The following RASSF3 variants were observed in gnomAD, a reference collection of about 807,000 sequenced individuals.
RASSF3 encodes the protein ras association domain-containing protein 3.
A neutral mutation model predicts 19.9 loss-of-function variants in RASSF3; 19 were observed. That is an observed-to-expected ratio of 0.96 (90% CI 0.67 to 1.40). RASSF3 has a LOEUF of 1.40. Ranked by LOEUF, RASSF3 falls within the 40% of genes most tolerant of loss-of-function variation. The pLI, the probability that RASSF3 is intolerant of heterozygous loss-of-function variation, is 0.00. For synonymous variants in RASSF3, 110 were observed against 104.2 expected, an observed-to-expected ratio of 1.06 and a Z score of -0.34; for missense variants, 306 against 289.8, an observed-to-expected ratio of 1.06 and a Z score of -0.41.
intron 1 of RASSF3, among the ~76,000 whole-genome samples, chr12:64,676,301 G>A (rs889080011): frequency 3.1e-4 from 47 of 150,456 alleles, no homozygotes; most frequent in African/African-American, 1.1e-3. Flanking sequence ...ACAGGTCTGA[G>A]GGACTACAGG....
intron 1 of RASSF3, among the ~76,000 whole-genome samples, chr12:64,658,969 C>G (rs1200505090): frequency 6.6e-6 from 1 of 152,122 alleles, no homozygotes; most frequent in South Asian, 2.1e-4. Context: ...ACTCAGGAAG[C>G]AGAGGCAGGA....
chr12:64,661,802 C>G (rs1872373976), intron 1 of RASSF3, among the ~76,000 whole-genome samples: 1 of 150,230 alleles, frequency 6.7e-6, no homozygotes, highest in African/African-American at 2.5e-5. Flanking sequence ...CTGCCTCAGC[C>G]TCCTGAGTTG....
chr12:64,517,933 A>G (rs1868396418), intron 1 of RASSF3, among the ~76,000 whole-genome samples: 1 of 151,968 alleles, frequency 6.6e-6, no homozygotes, highest in Non-Finnish European at 1.5e-5. Context: ...CTCACTTTAT[A>G]TAGCTATAAA....
chr12:64,552,439 C>T (rs1310784276), intron 2 of RASSF3, among the ~76,000 whole-genome samples: 2 of 152,044 alleles, frequency 1.3e-5, no homozygotes, highest in Non-Finnish European at 2.9e-5. Context: ...CAGATGTGTG[C>T]CATGGCAGTT....
intron 1 of RASSF3, among the ~76,000 whole-genome samples, chr12:64,518,281 A>G (rs898395384): frequency 6.6e-6 from 1 of 152,168 alleles, no homozygotes; most frequent in Non-Finnish European, 1.5e-5. Flanking sequence ...CTATAAAGAA[A>G]ATACCTGAGG....
intron 1 of RASSF3, among the ~76,000 whole-genome samples, chr12:64,620,478 A>G (rs1468321884): frequency 6.6e-6 from 1 of 152,210 alleles, no homozygotes; most frequent in Non-Finnish European, 1.5e-5. Context: ...CAGTTGCTAT[A>G]GAATCATATG....
Position 64,585,178 on chromosome 12 carries a change from C to A in RASSF3, c.294+43473C>A, listed in dbSNP as rs1241227121. ...GGATTACAGGCATGAGCCACCGCACCCGGCCAGAATATTTTCTTAAATGTG... is the reference window on the plus strand; with the variant it reads ...GGATTACAGGCATGAGCCACCGCACACGGCCAGAATATTTTCTTAAATGTG... On this transcript the variant is annotated intron_variant, in intron 2 of 5. Coordinates refer to the RASSF3 transcript ENST00000637125. Among the ~76,000 whole-genome samples the A allele has an allele frequency of 5.9e-5, 9 of 152,158 alleles. 2 individuals carry two copies. The highest frequency in any genetic ancestry group is 5.9e-4 in the Admixed American group (9 of 15,274).
intron 1 of RASSF3, among the ~76,000 whole-genome samples, chr12:64,660,075 T>C (rs1176599761): frequency 6.6e-6 from 1 of 151,636 alleles, no homozygotes; most frequent in Non-Finnish European, 1.5e-5. Context: ...TGTGTGTGTA[T>C]GTATATATAT....
chr12:64,570,927 G>A (rs1869507641), intron 2 of RASSF3, among the ~76,000 whole-genome samples: 1 of 152,096 alleles, frequency 6.6e-6, no homozygotes, highest in Non-Finnish European at 1.5e-5. Flanking sequence ...TGGATAAAAA[G>A]TGTCTAAAGG....
At position 64,618,445 on chromosome 12, in the gene RASSF3, G is replaced by C. The variant is rs7314137; in HGVS notation, c.111+7702G>C. 9.4e-3 allele frequency among the ~76,000 whole-genome samples: 1,435 copies of C among 152,224 alleles called. 25 individuals carry two copies. The highest frequency in any genetic ancestry group is 0.033 in the African/African-American group (1,375 of 41,536). ...GGGTTCAAGCAATTCTCCTGCCTCA[G>C]CCTCCCAAGTAGCTGGGATTACAGG... On this transcript the variant is annotated intron_variant, in intron 1 of 4. Transcript: ENST00000542104.
At chr12:64,533,809 C>T (rs1331541992) in intron 1 of RASSF3, among the ~76,000 whole-genome samples, 2 of 152,206 alleles carry the variant, frequency 1.3e-5, no homozygotes, top group Non-Finnish European at 2.9e-5. Context: ...ACAGAAAATG[C>T]ATGCAGGCTT....
At chr12:64,567,252 T>C (rs1392120471) in intron 2 of RASSF3, among the ~76,000 whole-genome samples, 1 of 152,084 alleles carries the variant, frequency 6.6e-6, no homozygotes, top group African/African-American at 2.4e-5. Flanking sequence ...GCCCTGCCTT[T>C]ATCAGTCACA....
chr12:64,565,532 G>T (rs928880015), intron 2 of RASSF3, among the ~76,000 whole-genome samples: 4 of 152,152 alleles, frequency 2.6e-5, no homozygotes, highest in Non-Finnish European at 4.4e-5. Flanking sequence ...GGCCAACATG[G>T]CGAAACCCCG....
chr12:64,528,630 A>G (rs1868639309), upstream of RASSF3, among the ~76,000 whole-genome samples: 1 of 152,246 alleles, frequency 6.6e-6, no homozygotes, highest in Non-Finnish European at 1.5e-5. Flanking sequence ...TATGTATTAA[A>G]TAGGCTACAA....
chr12:64,664,117 C>T (rs980592695), intron 1 of RASSF3, among the ~76,000 whole-genome samples: 2 of 152,056 alleles, frequency 1.3e-5, no homozygotes, highest in African/African-American at 4.8e-5. Flanking sequence ...AGAAGAGTTC[C>T]TGTGAAGCTG....
At chr12:64,575,950 C>T (rs572755165) in intron 2 of RASSF3, among the ~76,000 whole-genome samples, 14 of 149,730 alleles carry the variant, frequency 9.4e-5, no homozygotes, top group East Asian at 5.9e-4. Flanking sequence ...AGTGCAATAG[C>T]GCGATCTCGG....
intron 3 of RASSF3, among the ~76,000 whole-genome samples, chr12:64,688,907 A>C (rs376715855): frequency 1.3e-5 from 2 of 152,226 alleles, no homozygotes; most frequent in African/African-American, 4.8e-5. Context: ...TGTGCATCAC[A>C]GCACATTTCA....
At chr12:64,558,175 G>A (rs1869284253) in intron 2 of RASSF3, among the ~76,000 whole-genome samples, 1 of 152,216 alleles carries the variant, frequency 6.6e-6, no homozygotes, top group African/African-American at 2.4e-5. Flanking sequence ...TTCAAAGTCA[G>A]CAGTAGCTAA....
intron 3 of RASSF3, 77 bp from the exon 4 acceptor site, chr12:64,691,393 A>AG (rs1474529224): frequency 1.1e-6 from 1 of 947,660 alleles, no homozygotes; most frequent in African/African-American, 1.6e-5. Context: ...CTTGATCTGG[A>AG]GGAGGGGATC....
Sources: allele counts gnomAD v4.1 joint callset (sites outside exome capture counted in the v4.1 genomes callset), GRCh38; gene constraint gnomAD v4.1.1; transcripts MANE v1.5; gene names NCBI Gene and HGNC (gene_info 2026-07-23, HGNC 2026-07-21).